NF1: variants seen among roughly 807,000 people sequenced by gnomAD.
NF1 encodes the protein neurofibromin 1.
In NF1, 122 loss-of-function variants were observed where a neutral mutation model predicts 325.7. The ratio of observed to expected loss-of-function variants is 0.37; its 90% CI spans 0.32 to 0.44. The LOEUF (loss-of-function observed/expected upper bound fraction) is 0.44, where lower values mean the gene tolerates loss of function less well. NF1 is among the 20% of genes least tolerant of loss of function. NF1 has a pLI of 1.00. For missense variants in NF1, 2,140 were observed against 3,415.4 expected (o/e 0.63, Z 9.31); for synonymous variants, 1,091 against 1,186.0 (o/e 0.92, Z 1.65).
At position 31,374,951 on chromosome 17, in the gene NF1, G is replaced by T. The variant is rs1222325398; in HGVS notation, c.*796G>T. On this transcript the variant is annotated 3_prime_UTR_variant, in exon 58 of 58. Coordinates refer to ENST00000358273, the MANE Select transcript of NF1 (RefSeq NM_001042492.3). ...TGATTATCTTTTAATTTTTAATTTT[G>T]CTAAAGGTGGTTTTTTTGTGTTTTG... 9.2e-6 allele frequency: 2 copies of T among 217,952 alleles called. No homozygotes were observed. The highest frequency in any genetic ancestry group is 9.2e-6 in the Non-Finnish European group (1 of 108,278). The allele number at this position is 217,952 out of a possible 1,614,324, so 13.5% of individuals were successfully genotyped here. A position where few individuals can be genotyped will look rare whatever the true frequency, so the allele number is the denominator to read the frequency against.
At chr17:31,243,640 T>G (rs2067342535) in intron 29 of NF1, among the ~76,000 whole-genome samples, 1 of 151,966 alleles carries the variant, frequency 6.6e-6, no homozygotes, top group African/African-American at 2.4e-5. Context: ...TGATGTTCAC[T>G]CAAGGCCCAA....
intron 36 of NF1, among the ~76,000 whole-genome samples, chr17:31,271,744 C>CT (rs1209021886): frequency 2.0e-5 from 3 of 152,074 alleles, no homozygotes; most frequent in Admixed American, 6.6e-5. Context: ...GAGTGAAACT[C>CT]TGTCTCAAAA....
chr17:31,140,905 A>G (rs1313527293), intron 1 of NF1, among the ~76,000 whole-genome samples: 1 of 152,246 alleles, frequency 6.6e-6, no homozygotes, highest in Non-Finnish European at 1.5e-5. Flanking sequence ...TAAAAAGTCA[A>G]GTATACGGAG....
intron 5 of NF1, among the ~76,000 whole-genome samples, chr17:31,175,984 C>T (rs557527176): frequency 4.6e-5 from 7 of 152,278 alleles, no homozygotes; most frequent in African/African-American, 7.2e-5. Flanking sequence ...AGTAAACATA[C>T]GTGTGCATGT....
At chr17:31,259,980 A>G (rs1406071386) in intron 33 of NF1, among the ~76,000 whole-genome samples, 1 of 152,142 alleles carries the variant, frequency 6.6e-6, no homozygotes, top group African/African-American at 2.4e-5. Flanking sequence ...ATATTCTGGC[A>G]CTCTGTGTAC....
chr17:31,200,406 T>C lies in NF1; in HGVS notation c.889-16T>C, dbSNP rs2143871571. On this transcript the variant is annotated splice_polypyrimidine_tract_variant and intron_variant, in intron 8 of 57. Transcript: ENST00000358273. ...AACTTCATATATTATCTTATCGCTA[T>C]ATTTGAATTCTGTAGAAGTTATTTC... 6.2e-7 allele frequency: 1 copy of C among 1,613,426 alleles called. No homozygotes were observed. The highest frequency in any genetic ancestry group is 1.3e-5 in the African/African-American group (1 of 75,030).
At position 31,229,715 on chromosome 17, in the gene NF1, T is replaced by G. The variant is rs2067079868; in HGVS notation, c.2851-120T>G. The G allele has an allele frequency of 3.9e-6, 5 of 1,268,798 alleles. No homozygotes were observed. The African/African-American group carries it at 5.9e-5, about 15-fold the overall frequency. 78.6% of individuals were successfully genotyped at this position (1,268,798 alleles called of 1,614,324 possible). On this transcript the variant is annotated intron_variant, in intron 21 of 57. Transcript: ENST00000358273. ...GTCTGCGTATATCTGTATGCTTATT[T>G]GGCTCTATGCCTGTGGGTGCACTTA...
chr17:31,333,741 CA>C (rs1421292280), intron 39 of NF1, among the ~76,000 whole-genome samples: 1 of 152,138 alleles, frequency 6.6e-6, no homozygotes, highest in Non-Finnish European at 1.5e-5. Flanking sequence ...GTGATGGCTG[CA>C]CAATGATTTG....
intron 1 of NF1, among the ~76,000 whole-genome samples, chr17:31,096,139 C>A (rs530259460): frequency 2.0e-5 from 3 of 151,516 alleles, no homozygotes; most frequent in East Asian, 1.9e-4. Flanking sequence ...CTTCCCCCCC[C>A]CCTTTTTTTT....
intron 57 of NF1, among the ~76,000 whole-genome samples, chr17:31,365,483 T>G (rs2070497680): frequency 6.6e-6 from 1 of 152,196 alleles, no homozygotes; most frequent in Admixed American, 6.5e-5. Context: ...CACCAGAGAC[T>G]TGACGGTTTT....
rs138432172 is a variant in NF1, at chr17:31,243,492, G to T, written c.3975-5492G>T. Reference sequence around the variant, plus strand: ...GATCTACCTAGTGCTCTATTCTGCTGCGGCTAAGCATTAAGCTGGCACCCA... The same window carrying T: ...GATCTACCTAGTGCTCTATTCTGCTTCGGCTAAGCATTAAGCTGGCACCCA... On this transcript the variant is annotated intron_variant, in intron 29 of 57. Coordinates refer to ENST00000358273, the MANE Select transcript of NF1 (RefSeq NM_001042492.3). Among the ~76,000 whole-genome samples, 424 of 152,152 alleles carry T rather than the reference G, an allele frequency of 2.8e-3. 2 individuals are homozygous for T. Among genetic ancestry groups the T allele is most frequent in the African/African-American group, 9.3e-3 (384 of 41,510 alleles).
chr17:31,170,066 A>G (rs2065906025), intron 5 of NF1, 69 bp downstream of exon 5: 1 of 959,338 alleles, frequency 1.0e-6, no homozygotes, highest in Non-Finnish European at 1.7e-6. Flanking sequence ...GAATGTACTA[A>G]TTATATTAAT....
At chr17:31,229,776 A>AG in intron 21 of NF1, 59 bp from the exon 22 acceptor site, 1 of 1,598,910 alleles carries the variant, frequency 6.3e-7, no homozygotes, top group Middle Eastern at 2.3e-4. Flanking sequence ...TCATCTCTCT[A>AG]GGGGGTCTGT....
rs540191131 is a variant in NF1 at position 31,318,527 on chromosome 17, C to G, written c.4836-7293C>G. 22 of 1,614,034 alleles carry G rather than the reference C, an allele frequency of 1.4e-5. No homozygotes were observed. In the South Asian group the frequency reaches 2.3e-4, roughly 17 times the overall value. On this transcript the variant is annotated intron_variant, in intron 36 of 57. Coordinates refer to ENST00000358273, the MANE Select transcript of NF1 (RefSeq NM_001042492.3). Reference sequence around the variant, plus strand: ...TGTTTTGATCGTCTGAGAGAAGAGACTTTGTTTGCCAAAACCACAGTTGAT... The same window carrying G: ...TGTTTTGATCGTCTGAGAGAAGAGAGTTTGTTTGCCAAAACCACAGTTGAT...
chr17:31,244,698 G>A (rs931349053), intron 29 of NF1, among the ~76,000 whole-genome samples: 1 of 152,160 alleles, frequency 6.6e-6, no homozygotes, highest in South Asian at 2.1e-4. Flanking sequence ...TGAAGGAAGG[G>A]TGGTATAGGT....
rs864622362 is a variant in NF1, at chr17:31,200,415, TC to T, written c.889-6del. ...TATTATCTTATCGCTATATTTGAAT[TC>T]TGTAGAAGTTATTTCTGGACAGTCT... On this transcript the variant is annotated splice_polypyrimidine_tract_variant and splice_region_variant and intron_variant, in intron 8 of 57. Coordinates refer to ENST00000358273, the MANE Select transcript of NF1 (RefSeq NM_001042492.3). 3.7e-6 allele frequency: 6 copies of T among 1,613,830 alleles called. No individual in the cohort carries two copies. The African/African-American group carries it at 8.0e-5, about 22-fold the overall frequency.
intron 28 of NF1, 25 bp downstream of exon 28, chr17:31,235,797 A>C: frequency 6.2e-7 from 1 of 1,613,964 alleles, no homozygotes; most frequent in Non-Finnish European, 8.5e-7. Flanking sequence ...TTTTGTGTGT[A>C]TGTGTGTGCT....
chr17:31,178,046 A>T (rs902827351), intron 5 of NF1, among the ~76,000 whole-genome samples: 4 of 152,158 alleles, frequency 2.6e-5, no homozygotes, highest in African/African-American at 7.2e-5. Context: ...CGAGAAGAGC[A>T]ACCCCAAGAC....
At chr17:31,236,561 T>C (rs1477269486) in intron 29 of NF1, among the ~76,000 whole-genome samples, 1 of 151,912 alleles carries the variant, frequency 6.6e-6, no homozygotes, top group Non-Finnish European at 1.5e-5. Flanking sequence ...TGCCTCAGCC[T>C]CCTGAGTAGC....
Sources: allele counts gnomAD v4.1 joint callset (sites outside exome capture counted in the v4.1 genomes callset), GRCh38; gene constraint gnomAD v4.1.1; transcripts MANE v1.5; gene names NCBI Gene and HGNC (gene_info 2026-07-23, HGNC 2026-07-21).